The following RBFOX1 variants were observed in gnomAD, a reference collection of about 807,000 sequenced individuals.
RBFOX1 encodes RNA binding protein fox-1 homolog 1.
RBFOX1 carries 8 observed loss-of-function variants against 57.7 expected under a neutral mutation model. The ratio of observed to expected loss-of-function variants is 0.14; its 90% confidence interval spans 0.08 to 0.25. The LOEUF is 0.25. RBFOX1 is among the 10% of genes least tolerant of loss of function. The pLI is 1.00. For missense variants in RBFOX1, 611 were observed against 548.5 expected, an observed-to-expected ratio of 1.11 and a Z score of -1.14; for synonymous variants, 326 against 222.4, an observed-to-expected ratio of 1.47 and a Z score of -4.15.
chr16:6,072,021 T>G (rs906251839), intron 1 of RBFOX1, among the ~76,000 whole-genome samples: 1 of 152,200 alleles, frequency 6.6e-6, no homozygotes, highest in Non-Finnish European at 1.5e-5. Context: ...TACCCAAGAC[T>G]GGGTAACTTA....
At chr16:7,227,438 C>T (rs1419143933) in intron 4 of RBFOX1, among the ~76,000 whole-genome samples, 1 of 152,044 alleles carries the variant, frequency 6.6e-6, no homozygotes, top group African/African-American at 2.4e-5. Context: ...TGTCCCCAAC[C>T]GTATTAATAA....
intron 4 of RBFOX1, among the ~76,000 whole-genome samples, chr16:7,188,302 C>T (rs892257347): frequency 4.6e-5 from 7 of 152,180 alleles, no homozygotes; most frequent in African/African-American, 1.7e-4. Flanking sequence ...AATGAAGAAA[C>T]TGTTGTACAT....
intron 3 of RBFOX1, among the ~76,000 whole-genome samples, chr16:5,763,645 ACACT>A (rs1022745654): frequency 6.6e-6 from 1 of 152,228 alleles, no homozygotes; most frequent in Non-Finnish European, 1.5e-5. Flanking sequence ...AAATCTGAAA[ACACT>A]CACTCCGAGG....
chr16:7,452,397 C>T (rs1211429129), intron 4 of RBFOX1, among the ~76,000 whole-genome samples: 1 of 152,214 alleles, frequency 6.6e-6, no homozygotes, highest in Non-Finnish European at 1.5e-5. Context: ...CATCCCCCAC[C>T]TGCCTAGAAT....
intron 2 of RBFOX1, among the ~76,000 whole-genome samples, chr16:6,627,054 AG>A (rs1324198862): frequency 1.3e-5 from 2 of 152,218 alleles, no homozygotes; most frequent in African/African-American, 4.8e-5. Context: ...TGAAAGAACC[AG>A]GGTTCTAGTC....
At chr16:6,801,733 T>C (rs2085508079) in intron 3 of RBFOX1, among the ~76,000 whole-genome samples, 1 of 152,090 alleles carries the variant, frequency 6.6e-6, no homozygotes, top group African/African-American at 2.4e-5. Flanking sequence ...AAGAGAGTTT[T>C]TATTTCTGTA....
Position 6,607,589 on chromosome 16 carries a change from CCT to C in RBFOX1, c.-63-47002_-63-47001del, listed in dbSNP as rs942211562. Among the ~76,000 whole-genome samples, 4 of 149,882 alleles carry C rather than the reference CCT, an allele frequency of 2.7e-5. 1 individual carries two copies. In the South Asian group the frequency reaches 6.4e-4, roughly 24 times the overall value. ...TCCTCTCTCTCCGTCCTGTCTCCCT[CCT>C]CTCTCTCTCTCCTCTCTCTTTCTCT... On this transcript the variant is annotated intron_variant, in intron 2 of 15. Transcript: ENST00000550418.
intron 3 of RBFOX1, among the ~76,000 whole-genome samples, chr16:5,749,599 G>A (rs530174409): frequency 3.4e-4 from 52 of 151,940 alleles, no homozygotes; most frequent in African/African-American, 1.0e-3. Context: ...TTCTCTTCTC[G>A]CTTCATTTCA....
At chr16:5,955,790 G>A (rs1257984073) in intron 4 of RBFOX1, among the ~76,000 whole-genome samples, 1 of 152,132 alleles carries the variant, frequency 6.6e-6, no homozygotes, top group East Asian at 1.9e-4. Context: ...GTGACCAGTA[G>A]AAAAATGAGC....
At chr16:6,280,254 C>T (rs1267528857) in intron 1 of RBFOX1, among the ~76,000 whole-genome samples, 1 of 152,144 alleles carries the variant, frequency 6.6e-6, no homozygotes, top group Non-Finnish European at 1.5e-5. Context: ...GCTGCATCGT[C>T]CCAGAATCCA....
intron 3 of RBFOX1, among the ~76,000 whole-genome samples, chr16:6,887,825 G>T (rs1397451906): frequency 6.6e-6 from 1 of 152,016 alleles, no homozygotes; most frequent in African/African-American, 2.4e-5. Flanking sequence ...ACCACACCTG[G>T]CTAATTTTTA....
In RBFOX1 at chr16:6,390,091, C is replaced by T. The variant is rs146224602; in HGVS notation, c.-64+73034C>T. Among the ~76,000 whole-genome samples, 33 of 152,300 alleles carry T rather than the reference C, an allele frequency of 2.2e-4. No individual in the cohort carries two copies. In the East Asian group the frequency reaches 5.8e-3, roughly 27 times the overall value. ...ACCTGAGAGAAGTCCCAGCTGAAAGCCGTGTCTGCACTGTTGTTTTCTAAG... is the reference window on the plus strand; with the variant it reads ...ACCTGAGAGAAGTCCCAGCTGAAAGTCGTGTCTGCACTGTTGTTTTCTAAG... On this transcript the variant is annotated intron_variant, in intron 2 of 15. Coordinates refer to ENST00000550418, the MANE Select transcript of RBFOX1 (RefSeq NM_018723.4).
At chr16:6,048,518 G>C (rs1187516966) in intron 1 of RBFOX1, among the ~76,000 whole-genome samples, 1 of 152,144 alleles carries the variant, frequency 6.6e-6, no homozygotes, top group East Asian at 1.9e-4. Flanking sequence ...TTCAAATGAT[G>C]CATCGTGGAA....
intron 3 of RBFOX1, among the ~76,000 whole-genome samples, chr16:5,805,054 T>C (rs1024570269): frequency 1.1e-4 from 16 of 151,968 alleles, no homozygotes; most frequent in African/African-American, 3.1e-4. Flanking sequence ...TTGGGGAGCA[T>C]TGAGTTGTTT....
intron 4 of RBFOX1, among the ~76,000 whole-genome samples, chr16:7,113,693 C>T (rs934455699): frequency 6.6e-6 from 1 of 152,214 alleles, no homozygotes; most frequent in Non-Finnish European, 1.5e-5. Flanking sequence ...TGCATGTCAA[C>T]ATGTGGAGAT....
intron 4 of RBFOX1, among the ~76,000 whole-genome samples, chr16:7,315,994 A>C (rs896376583): frequency 6.6e-6 from 1 of 152,218 alleles, no homozygotes; most frequent in South Asian, 2.1e-4. Context: ...TGCAATTAGC[A>C]CTTGGGATTT....
chr16:5,877,599 A>AGTG (rs1317126403), intron 4 of RBFOX1, among the ~76,000 whole-genome samples: 1 of 152,244 alleles, frequency 6.6e-6, no homozygotes, highest in Admixed American at 6.5e-5. Flanking sequence ...AAGGGTAAGC[A>AGTG]GTGGTGTTAA....
intron 4 of RBFOX1, among the ~76,000 whole-genome samples, chr16:7,306,498 C>G (rs532291063): frequency 1.3e-5 from 2 of 152,170 alleles, no homozygotes; most frequent in South Asian, 4.2e-4. Flanking sequence ...GAATGCATCT[C>G]CCCCTCCCCT....
chr16:5,815,041 T>C (rs190679518), intron 3 of RBFOX1, among the ~76,000 whole-genome samples: 104 of 151,960 alleles, frequency 6.8e-4, no homozygotes, highest in African/African-American at 2.5e-3. Context: ...TGAAGTGCAG[T>C]GGCATGATTC....
Sources: allele counts gnomAD v4.1 joint callset (sites outside exome capture counted in the v4.1 genomes callset), GRCh38; gene constraint gnomAD v4.1.1; transcripts MANE v1.5; gene names NCBI Gene and HGNC (gene_info 2026-07-23, HGNC 2026-07-21).